PLEKHG1: variants seen among roughly 807,000 people sequenced by gnomAD.
PLEKHG1 encodes the protein pleckstrin homology and RhoGEF domain containing G1, also known as pleckstrin homology domain-containing family G member 1.
PLEKHG1 carries 44 observed loss-of-function variants against 100.8 expected under a neutral mutation model. That is an observed-to-expected ratio of 0.44 (90% CI 0.34 to 0.56). PLEKHG1 has a LOEUF of 0.56. Among genes scored for constraint, PLEKHG1 ranks in the 20% least tolerant of loss-of-function variants. The pLI, the probability that PLEKHG1 is intolerant of heterozygous loss-of-function variation, is 0.01. For missense variants in PLEKHG1, 1,545 were observed against 1,720.9 expected, an observed-to-expected ratio of 0.90 and a Z score of 1.81; for synonymous variants, 640 against 662.5, an observed-to-expected ratio of 0.97 and a Z score of 0.52.
intron 1 of PLEKHG1, among the ~76,000 whole-genome samples, chr6:150,603,605 T>C (rs867789631): frequency 6.6e-6 from 1 of 151,634 alleles, no homozygotes; most frequent in African/African-American, 2.4e-5. Context: ...TGATTAGGAG[T>C]TGACTGTGTA....
intron 3 of PLEKHG1, among the ~76,000 whole-genome samples, chr6:150,706,801 A>AATAT (rs1781026022): frequency 6.6e-6 from 1 of 151,730 alleles, no homozygotes; most frequent in Non-Finnish European, 1.5e-5. Context: ...ATATAAAGAG[A>AATAT]CCAAAAAAAT....
chr6:150,804,817 G>A (rs1786960826), intron 7 of PLEKHG1, 76 bp downstream of exon 8: 1 of 1,439,110 alleles, frequency 6.9e-7, no homozygotes, highest in Admixed American at 1.8e-5. Flanking sequence ...AAATATTAAG[G>A]CTGCTCAAGT....
chr6:150,769,743 T>C (rs1452342709), intron 3 of PLEKHG1, among the ~76,000 whole-genome samples: 1 of 151,986 alleles, frequency 6.6e-6, no homozygotes, highest in African/African-American at 2.4e-5. Context: ...TGAAACTAAC[T>C]AACCCCTGTA....
chr6:150,796,092 T>A (rs1310797057), intron 5 of PLEKHG1, among the ~76,000 whole-genome samples, 190 bp downstream of exon 6: 1 of 152,132 alleles, frequency 6.6e-6, no homozygotes, highest in Non-Finnish European at 1.5e-5. Flanking sequence ...GCTTTGGGGC[T>A]CCCTGCAGAG....
At chr6:150,724,736 T>C (rs1300904554) in intron 1 of PLEKHG1, among the ~76,000 whole-genome samples, 1 of 151,952 alleles carries the variant, frequency 6.6e-6, no homozygotes, top group African/African-American at 2.4e-5. Context: ...ATTTTTGTAT[T>C]TTTAGTAGAG....
intron 2 of PLEKHG1, among the ~76,000 whole-genome samples, chr6:150,748,815 A>G (rs980017548): frequency 2.6e-5 from 4 of 151,792 alleles, no homozygotes; most frequent in African/African-American, 9.7e-5. Context: ...TAGTAGAGAC[A>G]GGGTTTCACC....
intron 2 of PLEKHG1, among the ~76,000 whole-genome samples, chr6:150,742,708 G>T (rs555915262): frequency 6.6e-6 from 1 of 152,160 alleles, no homozygotes; most frequent in African/African-American, 2.4e-5. Flanking sequence ...CCAACACGGG[G>T]AATTACATTT....
chr6:150,735,484 C>T (rs1782517169), intron 2 of PLEKHG1, among the ~76,000 whole-genome samples: 1 of 152,174 alleles, frequency 6.6e-6, no homozygotes, highest in Non-Finnish European at 1.5e-5. Flanking sequence ...AATTCTAAAG[C>T]ATGACTACGT....
intron 3 of PLEKHG1, among the ~76,000 whole-genome samples, chr6:150,710,531 G>T (rs1417775502): frequency 2.0e-5 from 3 of 152,140 alleles, no homozygotes; most frequent in African/African-American, 7.2e-5. Flanking sequence ...AGAAAGAAAA[G>T]GTGAGACCAG....
chr6:150,786,509 G>A, intron 4 of PLEKHG1, 50 bp downstream of exon 5: 1 of 1,202,058 alleles, frequency 8.3e-7, no homozygotes, highest in Non-Finnish European at 1.2e-6. Context: ...ACAGAGTACA[G>A]AATTTTTCAT....
chr6:150,714,474 G>T (rs1049119487), intron 3 of PLEKHG1, among the ~76,000 whole-genome samples: 1 of 152,156 alleles, frequency 6.6e-6, no homozygotes, highest in Non-Finnish European at 1.5e-5. Flanking sequence ...TGTCATGGCC[G>T]ACTGTTGAAA....
At chr6:150,743,214 C>G (rs1782973712) in intron 2 of PLEKHG1, among the ~76,000 whole-genome samples, 1 of 152,068 alleles carries the variant, frequency 6.6e-6, no homozygotes, top group Non-Finnish European at 1.5e-5. Context: ...CCCCCACCAC[C>G]CTCACTAAAA....
chr6:150,765,751 T>C (rs576329852), intron 2 of PLEKHG1, among the ~76,000 whole-genome samples: 29 of 152,180 alleles, frequency 1.9e-4, no homozygotes, highest in Non-Finnish European at 3.8e-4. Flanking sequence ...TTTTGTAAAA[T>C]ACAATTTAAA....
chr6:150,698,110 T>C (rs1455677088), intron 3 of PLEKHG1, among the ~76,000 whole-genome samples: 1 of 152,222 alleles, frequency 6.6e-6, no homozygotes, highest in Non-Finnish European at 1.5e-5. Context: ...CTTTACATAA[T>C]GAGATATTTG....
intron 2 of PLEKHG1, among the ~76,000 whole-genome samples, chr6:150,649,646 G>C (rs1458260210): frequency 6.6e-6 from 1 of 152,218 alleles, no homozygotes; most frequent in African/African-American, 2.4e-5. Context: ...GGAGGCCGAG[G>C]CGGGCAGATC....
chr6:150,840,966 T>C, exon 16 of PLEKHG1: 1 of 1,177,216 alleles, frequency 8.5e-7, no homozygotes, highest in Non-Finnish European at 1.3e-6. Flanking sequence ...ACTGATGAGG[T>C]GTTTTATGTA....
At chr6:150,762,493 C>G (rs1356732826) in intron 2 of PLEKHG1, among the ~76,000 whole-genome samples, 1 of 152,100 alleles carries the variant, frequency 6.6e-6, no homozygotes, top group Non-Finnish European at 1.5e-5. Context: ...GCCACTGTGC[C>G]CGGCCCAACC....
intron 3 of PLEKHG1, among the ~76,000 whole-genome samples, chr6:150,655,189 G>A (rs1778916092): frequency 6.6e-6 from 1 of 152,172 alleles, no homozygotes; most frequent in South Asian, 2.1e-4. Context: ...TGGTGGGAGT[G>A]TAAATTAGTT....
intron 2 of PLEKHG1, among the ~76,000 whole-genome samples, chr6:150,760,739 T>C (rs1201349798): frequency 2.6e-5 from 4 of 151,888 alleles, no homozygotes; most frequent in East Asian, 1.9e-4. Context: ...TATTTCAGTA[T>C]GCAACAGGAC....
Sources: gnomAD v4.1 joint callset for allele counts (sites outside exome capture counted in the v4.1 genomes callset) on GRCh38, gnomAD v4.1.1 for gene constraint, MANE v1.5 for transcripts, NCBI Gene and HGNC (gene_info 2026-07-23, HGNC 2026-07-21) for gene names.